The following SLC4A4 variants were observed in gnomAD, a reference collection of about 807,000 sequenced individuals.
SLC4A4 encodes electrogenic sodium bicarbonate cotransporter 1.
A neutral mutation model predicts 111.5 loss-of-function variants in SLC4A4; 27 were observed. That is an observed-to-expected ratio of 0.24 (90% CI 0.18 to 0.33). The LOEUF (loss-of-function observed/expected upper bound fraction) is 0.33, where lower values mean the gene tolerates loss of function less well. Among genes scored for constraint, SLC4A4 ranks in the 10% least tolerant of loss-of-function variants. The probability of loss-of-function intolerance (pLI) is 1.00; values close to 1 mark genes in which losing one functional copy is unlikely to be tolerated. For synonymous variants in SLC4A4, 443 were observed against 463.4 expected (o/e 0.96, Z 0.57); for missense variants, 909 against 1,315.5 (o/e 0.69, Z 4.78).
chr4:71,089,224 T>C (rs577384552), intron 1 of SLC4A4, among the ~76,000 whole-genome samples: 1 of 152,156 alleles, frequency 6.6e-6, no homozygotes, highest in Non-Finnish European at 1.5e-5. Flanking sequence ...TCACATAGTT[T>C]TGTGCCATGG....
chr4:71,244,145 G>A (rs1281693778), intron 2 of SLC4A4, among the ~76,000 whole-genome samples: 5 of 152,130 alleles, frequency 3.3e-5, no homozygotes, highest in African/African-American at 1.2e-4. Context: ...GCCCATGATT[G>A]AATCTAATGG....
intron 3 of SLC4A4, among the ~76,000 whole-genome samples, chr4:71,257,786 G>T (rs755724190): frequency 2.0e-5 from 3 of 152,148 alleles, no homozygotes; most frequent in Non-Finnish European, 4.4e-5. Flanking sequence ...ATACTTCTGA[G>T]AAAAACAAAA....
intron 8 of SLC4A4, among the ~76,000 whole-genome samples, chr4:71,444,890 CTATT>C (rs891929663): frequency 3.5e-4 from 53 of 152,226 alleles, no homozygotes; most frequent in African/African-American, 1.3e-3. Context: ...TGGATTCTCT[CTATT>C]TATCATTTTA....
intron 3 of SLC4A4, among the ~76,000 whole-genome samples, chr4:71,312,282 A>G (rs1375547625): frequency 6.6e-6 from 1 of 152,206 alleles, no homozygotes; most frequent in Non-Finnish European, 1.5e-5. Flanking sequence ...AGTAATTAAT[A>G]GCCTGCAAAC....
At chr4:71,276,996 A>C (rs923901163) in intron 3 of SLC4A4, among the ~76,000 whole-genome samples, 2 of 152,176 alleles carry the variant, frequency 1.3e-5, no homozygotes, top group Non-Finnish European at 2.9e-5. Flanking sequence ...GTGAGCCAAG[A>C]TTGTGCCACT....
intron 7 of SLC4A4, among the ~76,000 whole-genome samples, chr4:71,401,320 A>T (rs1720344156): frequency 2.0e-5 from 3 of 152,206 alleles, no homozygotes; most frequent in Admixed American, 2.0e-4. Flanking sequence ...AATGGCTTAA[A>T]ATAGTTAACA....
At chr4:71,264,428 A>T (rs548080962) in intron 3 of SLC4A4, among the ~76,000 whole-genome samples, 1 of 152,250 alleles carries the variant, frequency 6.6e-6, no homozygotes, top group East Asian at 1.9e-4. Context: ...AACTGATTCT[A>T]CTTCATTTAT....
intron 21 of SLC4A4, 73 bp from the exon 22 acceptor site, chr4:71,557,639 G>A: frequency 7.1e-7 from 1 of 1,399,758 alleles, no homozygotes; most frequent in Non-Finnish European, 1.0e-6. Flanking sequence ...ATATAAATCA[G>A]TAGTGATTAG....
At chr4:71,539,420 C>T (rs759472325) in intron 18 of SLC4A4, among the ~76,000 whole-genome samples, 2 of 152,092 alleles carry the variant, frequency 1.3e-5, no homozygotes, top group African/African-American at 2.4e-5. Flanking sequence ...CAGAGTACCA[C>T]GACCTAAGTT....
At position 71,200,163 on chromosome 4, in the gene SLC4A4, T is replaced by TATGCAGGGTCTGTGGAATCA. The variant is rs566553511; in HGVS notation, c.-2+12763_-2+12764insTGCAGGGTCTGTGGAATCAA. ...GGGTGGGATGATGTGAAAGCCTTAG[T>TATGCAGGGTCTGTGGAATCA]AGGTACTATGCAGGGTCTGTGGAAT... On this transcript the variant is annotated intron_variant, in intron 1 of 25. Coordinates refer to ENST00000264485, the MANE Select transcript of SLC4A4 (RefSeq NM_001098484.3). Among the ~76,000 whole-genome samples the TATGCAGGGTCTGTGGAATCA allele has an allele frequency of 4.6e-4, 70 of 152,234 alleles. No individual in the cohort carries two copies. The South Asian group carries it at 6.6e-3, about 14-fold the overall frequency.
rs1397446622 is a variant in SLC4A4, at chr4:71,569,288, T to A, written c.*1537T>A. On this transcript the variant is annotated 3_prime_UTR_variant, in exon 26 of 26. Transcript: ENST00000264485. ...ATAGCTCTAACATGCAATATAAAAT[T>A]CATAGGAGTATTAATAGCCCATTTA... The A allele has an allele frequency of 6.6e-6, 1 of 151,712 alleles. No individual in the cohort carries two copies. Among genetic ancestry groups the A allele is most frequent in the African/African-American group, 2.4e-5 (1 of 41,388 alleles). 9.4% of individuals were successfully genotyped at this position (151,712 alleles called of 1,614,324 possible). A position where few individuals can be genotyped will look rare whatever the true frequency, so the allele number is the denominator to read the frequency against.
At chr4:71,526,568 A>G (rs1198120360) in intron 16 of SLC4A4, among the ~76,000 whole-genome samples, 1 of 152,132 alleles carries the variant, frequency 6.6e-6, no homozygotes, top group Non-Finnish European at 1.5e-5. Flanking sequence ...ATGTATATAC[A>G]TCATATTATA....
At position 71,129,078 on chromosome 4, in the gene SLC4A4, C is replaced by A. The variant is rs571819903; in HGVS notation, c.-2+36286C>A. Among the ~76,000 whole-genome samples the A allele has an allele frequency of 6.6e-4, 101 of 152,180 alleles. 2 individuals are homozygous for A. Among genetic ancestry groups the A allele is most frequent in the South Asian group, 3.7e-3 (18 of 4,814 alleles). ...GGCAAAGATTTCATGAAGAAGATGC[C>A]AAAAGCAAGTGCAACAAAAACAAAA... On this transcript the variant is annotated intron_variant, in intron 2 of 26. Transcript: ENST00000649996.
At chr4:71,268,767 G>A (rs1722489117) in intron 3 of SLC4A4, among the ~76,000 whole-genome samples, 1 of 152,162 alleles carries the variant, frequency 6.6e-6, no homozygotes, top group African/African-American at 2.4e-5. Flanking sequence ...GCTGCAAGTT[G>A]CAGTTTTCCA....
intron 2 of SLC4A4, among the ~76,000 whole-genome samples, chr4:71,121,751 C>T (rs1353764053): frequency 6.6e-6 from 1 of 152,156 alleles, no homozygotes; most frequent in Non-Finnish European, 1.5e-5. Context: ...AGCAGGCTGC[C>T]CCAGCAGCAC....
chr4:71,236,689 A>G (rs1006077220), intron 2 of SLC4A4, 40 bp downstream of exon 2: 2 of 1,456,214 alleles, frequency 1.4e-6, no homozygotes, highest in Non-Finnish European at 9.6e-7. Context: ...GTTGACATAC[A>G]TATGTCTCTA....
At chr4:71,300,784 G>T (rs903095276) in intron 3 of SLC4A4, 7 of 359,286 alleles carry the variant, frequency 1.9e-5, no homozygotes, top group Non-Finnish European at 2.8e-5. Context: ...GCAGACCCCC[G>T]CAGCCATCTG....
intron 15 of SLC4A4, among the ~76,000 whole-genome samples, chr4:71,491,678 A>T (rs1207715503): frequency 6.6e-6 from 1 of 151,848 alleles, no homozygotes; most frequent in African/African-American, 2.4e-5. Context: ...GAATGATAAT[A>T]ATTATCTTAC....
At chr4:71,197,895 CAT>C (rs895850172) in intron 1 of SLC4A4, among the ~76,000 whole-genome samples, 3 of 152,156 alleles carry the variant, frequency 2.0e-5, no homozygotes, top group African/African-American at 7.2e-5. Context: ...AAAAGGTGCT[CAT>C]GTGGCAGGCA....
Sources: gnomAD v4.1 joint callset for allele counts (sites outside exome capture counted in the v4.1 genomes callset) on GRCh38, gnomAD v4.1.1 for gene constraint, MANE v1.5 for transcripts, NCBI Gene and HGNC (gene_info 2026-07-23, HGNC 2026-07-21) for gene names.